AK2: variants seen among roughly 807,000 people sequenced by gnomAD.
AK2 encodes adenylate kinase 2.
Under a neutral mutation model 24.6 loss-of-function variants are expected in AK2, and 15 were observed. That is an observed-to-expected ratio of 0.61 (90% confidence interval 0.41 to 0.94). The LOEUF is 0.94. Ranked by LOEUF, AK2 falls within the 40% of genes least tolerant of loss-of-function variation. AK2 has a pLI of 0.00. For missense variants in AK2, 257 were observed against 304.1 expected, an observed-to-expected ratio of 0.85 and a Z score of 1.15; for synonymous variants, 102 against 114.0, an observed-to-expected ratio of 0.90 and a Z score of 0.67.
At chr1:33,019,576 T>C (rs899292164) in intron 4 of AK2, 9 of 969,906 alleles carry the variant, frequency 9.3e-6, no homozygotes, top group Middle Eastern at 1.0e-3. Context: ...AAAATGAATA[T>C]AAGGTAGAGT....
chr1:33,011,027 C>T lies in AK2; in HGVS notation c.*2154G>A, dbSNP rs965745684. 1.0e-6 allele frequency: 1 copy of T among 985,458 alleles called. No individual in the cohort carries two copies. The highest frequency in any genetic ancestry group is 1.2e-6 in the Non-Finnish European group (1 of 829,934). The allele number at this position is 985,458 out of a possible 1,614,324, so 61.0% of individuals were successfully genotyped here. A position where few individuals can be genotyped will look rare whatever the true frequency, so the allele number is the denominator to read the frequency against. ...AAGCAAAAACAGAATCCTAACCATA[C>T]TGAGAAGGGTATATGCATTCCCTAT... is the stretch of plus-strand genomic sequence containing the variant. On this transcript the variant is annotated 3_prime_UTR_variant, in exon 6 of 6. Coordinates refer to ENST00000672715, the MANE Select transcript of AK2 (RefSeq NM_001625.4).
Position 33,011,711 on chromosome 1 carries a change from CTGTT to C in AK2, c.*1466_*1469del. On this transcript the variant is annotated 3_prime_UTR_variant, in exon 6 of 6. Coordinates refer to ENST00000672715, the MANE Select transcript of AK2 (RefSeq NM_001625.4). ...CCTTCATAGCAGTCTGTTACTTCATCTGTTTGCCACAAATCAAACCAGAGACCAA... is the reference window on the plus strand; with the variant it reads ...CCTTCATAGCAGTCTGTTACTTCATCTGCCACAAATCAAACCAGAGACCAA... The C allele has an allele frequency of 7.5e-7, 1 of 1,329,340 alleles. No homozygotes were observed. Among genetic ancestry groups the C allele is most frequent in the Non-Finnish European group, 9.8e-7 (1 of 1,017,210 alleles). The allele number at this position is 1,329,340 out of a possible 1,614,324, so 82.3% of individuals were successfully genotyped here.
intron 4 of AK2, among the ~76,000 whole-genome samples, chr1:33,016,862 C>T (rs963452654): frequency 2.6e-5 from 4 of 151,698 alleles, no homozygotes; most frequent in African/African-American, 7.3e-5. Context: ...CCTGCCACCA[C>T]GCCCGGCTAA....
At position 33,007,991 on chromosome 1, in the gene AK2, C is replaced by G. The variant is rs1279970538; in HGVS notation, c.*5190G>C. ...GATAATGCATGCAGAACCTCTCACACAGCTAAGAATTTAATATGTTAGACT... is the reference window on the plus strand; with the variant it reads ...GATAATGCATGCAGAACCTCTCACAGAGCTAAGAATTTAATATGTTAGACT... On this transcript the variant is annotated 3_prime_UTR_variant, in exon 6 of 6. Coordinates refer to ENST00000672715, the MANE Select transcript of AK2 (RefSeq NM_001625.4). The G allele has an allele frequency of 2.2e-6, 1 of 453,608 alleles. No individual in the cohort carries two copies. The highest frequency in any genetic ancestry group is 4.4e-6 in the Non-Finnish European group (1 of 226,624). 28.1% of individuals were successfully genotyped at this position (453,608 alleles called of 1,614,324 possible).
Position 33,011,928 on chromosome 1 carries a change from A to G in AK2, c.*1253T>C. On this transcript the variant is annotated 3_prime_UTR_variant, in exon 6 of 6. Coordinates refer to ENST00000672715, the MANE Select transcript of AK2 (RefSeq NM_001625.4). ...AGGAGAGGGTTTGGGCTTAAAAAGAACATATCTGATTTCAGTTTTATGTCC... is the reference window on the plus strand; with the variant it reads ...AGGAGAGGGTTTGGGCTTAAAAAGAGCATATCTGATTTCAGTTTTATGTCC... 1 of 1,533,632 alleles carries G rather than the reference A, an allele frequency of 6.5e-7. No individual in the cohort carries two copies. Among genetic ancestry groups the G allele is most frequent in the Non-Finnish European group, 8.7e-7 (1 of 1,146,246 alleles).
intron 1 of AK2, chr1:33,031,550 C>A (rs1640235918): frequency 2.2e-6 from 1 of 455,608 alleles, no homozygotes; most frequent in Admixed American, 2.4e-5. Context: ...TAACCTGGGG[C>A]AGTAGATAGC....
chr1:33,012,298 A>G lies in AK2; in HGVS notation c.*883T>C, dbSNP rs1638871468. The G allele has an allele frequency of 6.5e-7, 1 of 1,533,374 alleles. No homozygotes were observed. The highest frequency in any genetic ancestry group is 8.7e-7 in the Non-Finnish European group (1 of 1,146,388). 95.0% of individuals were successfully genotyped at this position (1,533,374 alleles called of 1,614,324 possible). On this transcript the variant is annotated 3_prime_UTR_variant, in exon 6 of 6. Transcript: ENST00000672715. Reference sequence around the variant, plus strand: ...TCTTTTTATGACGATATCCTCTCCCAGTAATTTCTGTAACCTGCAAAGTAA... The same window carrying G: ...TCTTTTTATGACGATATCCTCTCCCGGTAATTTCTGTAACCTGCAAAGTAA...
intron 1 of AK2, chr1:33,032,182 C>T (rs78143469): frequency 0.034 from 5,497 of 161,808 alleles, 368 homozygotes; most frequent in African/African-American, 0.12. Context: ...CCAGTGGGAG[C>T]CAAGCAGGCA....
chr1:33,025,427 C>A (rs542831642), intron 1 of AK2, among the ~76,000 whole-genome samples: 1 of 152,296 alleles, frequency 6.6e-6, no homozygotes, highest in East Asian at 1.9e-4. Context: ...TCCTCCTTCC[C>A]TGTCACTAAG....
rs572649369 is a variant in AK2 at position 33,019,021 on chromosome 1, T to C, written c.425+2346A>G. 3.3e-5 allele frequency among the ~76,000 whole-genome samples: 5 copies of C among 152,308 alleles called. No homozygotes were observed. The East Asian group carries it at 9.6e-4, about 29-fold the overall frequency. The stretch of plus-strand genomic sequence containing the variant: ...TCTACCTTCCTGCCCCCCAGACCAC[T>C]GGGCAGACACGTCTGCTACTAGCCT... On this transcript the variant is annotated intron_variant, in intron 4 of 5. Coordinates refer to ENST00000672715, the MANE Select transcript of AK2 (RefSeq NM_001625.4).
chr1:33,024,857 C>A (rs980230586), intron 1 of AK2, among the ~76,000 whole-genome samples: 1 of 152,194 alleles, frequency 6.6e-6, no homozygotes, highest in African/African-American at 2.4e-5. Context: ...CCACTCAACA[C>A]ACTAGTGACA....
intron 1 of AK2, 93 bp from the exon 2 acceptor site, chr1:33,024,660 G>A: frequency 6.5e-7 from 1 of 1,537,634 alleles, no homozygotes. Flanking sequence ...CCACTTACTG[G>A]CTATGTAAAC....
rs397843072 is a variant in AK2, at chr1:33,010,344, G to C, written c.*2837C>G. ...ACCTTACATCTCTTTCAAATGTGGA[G>C]ATGGTTTTTTGATCTTACAGTGTGT... On this transcript the variant is annotated 3_prime_UTR_variant, in exon 6 of 6. Coordinates refer to ENST00000672715, the MANE Select transcript of AK2 (RefSeq NM_001625.4). 4.3e-6 allele frequency: 2 copies of C among 461,448 alleles called. No homozygotes were observed. The highest frequency in any genetic ancestry group is 3.1e-5 in the South Asian group (2 of 64,560). 28.6% of individuals were successfully genotyped at this position (461,448 alleles called of 1,614,324 possible). A position where few individuals can be genotyped will look rare whatever the true frequency, so the allele number is the denominator to read the frequency against.
Position 33,013,337 on chromosome 1 carries a change from T to C in AK2, c.564A>G (p.Gln188=), listed in dbSNP as rs746557084. Residue 188 remains glutamine, a synonymous_variant, in exon 6 of 6, where the codon CAA becomes CAG. Coordinates refer to ENST00000672715, the MANE Select transcript of AK2 (RefSeq NM_001625.4). ...DNEKALKIRL[Q]AYHTQTTPLI... ...GTGGGGTGGTTTGAGTGTGGTAGGC[T>C]TGCAGGCGGATTTTCAAGGCCTTTT... is the stretch of plus-strand genomic sequence containing the variant. 6.2e-7 allele frequency: 1 copy of C among 1,614,126 alleles called. No individual in the cohort carries two copies. The highest frequency in any genetic ancestry group is 8.5e-7 in the Non-Finnish European group (1 of 1,179,970).
chr1:33,016,718 T>C (rs1639212307), intron 4 of AK2, among the ~76,000 whole-genome samples: 1 of 151,700 alleles, frequency 6.6e-6, no homozygotes, highest in Non-Finnish European at 1.5e-5. Flanking sequence ...TTTATTATTA[T>C]TTTTTGAGAC....
intron 4 of AK2, among the ~76,000 whole-genome samples, chr1:33,016,401 C>T (rs1011384024): frequency 8.6e-5 from 13 of 151,900 alleles, no homozygotes; most frequent in Admixed American, 7.9e-4. Flanking sequence ...TTAGTAGAAA[C>T]GGGGTTTCAC....
intron 1 of AK2, among the ~76,000 whole-genome samples, chr1:33,034,449 T>TATACAC (rs1491232479): frequency 1.4e-5 from 2 of 141,886 alleles, no homozygotes; most frequent in African/African-American, 5.2e-5. Context: ...GGGTGCTTGA[T>TATACAC]ACACACACAC....
At chr1:33,033,242 AAAAG>A (rs1640360356) in intron 1 of AK2, among the ~76,000 whole-genome samples, 1 of 152,220 alleles carries the variant, frequency 6.6e-6, no homozygotes, top group Non-Finnish European at 1.5e-5. Flanking sequence ...CTTATAAATT[AAAAG>A]AAAGGATGGG....
chr1:33,034,239 C>T (rs1466365587), intron 1 of AK2, among the ~76,000 whole-genome samples: 4 of 152,098 alleles, frequency 2.6e-5, no homozygotes, highest in Admixed American at 1.3e-4. Flanking sequence ...TTCTACAAAG[C>T]CTTCTCTGAC....
Sources: gnomAD v4.1 joint callset for allele counts (sites outside exome capture counted in the v4.1 genomes callset) on GRCh38, gnomAD v4.1.1 for gene constraint, MANE v1.5 for transcripts, NCBI Gene and HGNC (gene_info 2026-07-23, HGNC 2026-07-21) for gene names.